The following ZDBF2 variants were observed in gnomAD, a reference collection of about 807,000 sequenced individuals.
ZDBF2 encodes zinc finger DBF-type containing 2, also known as DBF4-type zinc finger-containing protein 2.
Under a neutral mutation model 9.4 loss-of-function variants are expected in ZDBF2, and 6 were observed. That is an observed-to-expected ratio of 0.64 (90% CI 0.35 to 1.27). The LOEUF (loss-of-function observed/expected upper bound fraction) is 1.27, where lower values mean the gene tolerates loss of function less well. ZDBF2 is among the 50% of genes most tolerant of loss of function. ZDBF2 has a pLI of 0.03. For missense variants in ZDBF2, 2,697 were observed against 2,766.8 expected, an observed-to-expected ratio of 0.97 and a Z score of 0.57; for synonymous variants, 905 against 946.3, an observed-to-expected ratio of 0.96 and a Z score of 0.80.
rs1269934786 is a variant in ZDBF2, at chr2:206,308,934, C to T, written c.4406C>T (p.Pro1469Leu). The T allele has an allele frequency of 6.2e-7, 1 of 1,613,136 alleles. No homozygotes were observed. Among genetic ancestry groups the T allele is most frequent in the Non-Finnish European group, 8.5e-7 (1 of 1,179,540 alleles). Residue 1469 changes from proline to leucine, a missense_variant, in exon 5 of 5, where the codon CCT (proline) becomes CTT (leucine). Physicochemically the swap from Pro to Leu is moderately conservative, Grantham distance 98. Transcript: ENST00000374423. The stretch of plus-strand genomic sequence containing the variant: ...CATCTTCAGTCAGAAGTTGACCAAC[C>T]TCAAGTGTCTTACAAAGAGGCAGAC... ...CVHLQSEVDQPQVSYKEADLQ... is the reference protein window; with the variant it reads ...CVHLQSEVDQLQVSYKEADLQ...
Position 206,310,899 on chromosome 2 carries a change from A to G in ZDBF2, c.6371A>G (p.Asp2124Gly). The G allele has an allele frequency of 6.2e-7, 1 of 1,613,708 alleles. No homozygotes were observed. The highest frequency in any genetic ancestry group is 8.5e-7 in the Non-Finnish European group (1 of 1,179,828). ...TTTAATTCACATCAGGGAACCAGTG[A>G]CTCTTCTCTGTTTCTGGAAGAATCA... ...YGFNSHQGTS[D>G]SSLFLEESKV... Residue 2124 changes from aspartate to glycine, a missense_variant, in exon 5 of 5, where the codon GAC becomes GGC. By Grantham distance (94) the Asp-to-Gly change is moderately conservative. This residue lies in a region of ZDBF2 where 1,783 missense variants were observed against 1,776.5 expected (regional missense o/e 1.00). Transcript: ENST00000374423.
In ZDBF2 at chr2:206,310,649, T is replaced by A; in HGVS notation, c.6121T>A (p.Phe2041Ile). Residue 2041 changes from phenylalanine to isoleucine, a missense_variant, in exon 5 of 5, where the codon TTT (phenylalanine) becomes ATT (isoleucine). Around this residue, in one of 3 missense-constraint regions of ZDBF2, gnomAD observed 1,783 missense variants for 1,776.5 expected, o/e 1.00. Transcript: ENST00000374423. ...CCATAGTTGGGATAATGATATTCGGTTTATATGCAAATATAAACGGAATAT... is the reference window on the plus strand; with the variant it reads ...CCATAGTTGGGATAATGATATTCGGATTATATGCAAATATAAACGGAATAT... Reference protein sequence around the residue: ...RHHSWDNDIRFICKYKRNIFD... With the variant: ...RHHSWDNDIRIICKYKRNIFD... The A allele has an allele frequency of 1.2e-6, 2 of 1,609,768 alleles. No homozygotes were observed. Among genetic ancestry groups the A allele is most frequent in the Non-Finnish European group, 1.7e-6 (2 of 1,177,660 alleles).
chr2:206,286,636 T>C (rs978941733), intron 3 of ZDBF2, among the ~76,000 whole-genome samples: 1 of 152,138 alleles, frequency 6.6e-6, no homozygotes, highest in African/African-American at 2.4e-5. Context: ...GCTCAAGATA[T>C]CCTTCTGCCT....
chr2:206,301,434 G>C (rs1487988525), intron 4 of ZDBF2, among the ~76,000 whole-genome samples: 29 of 150,572 alleles, frequency 1.9e-4, no homozygotes, highest in Admixed American at 1.9e-3. Flanking sequence ...TAACCATCTT[G>C]GAGTTTGTTT....
intron 4 of ZDBF2, among the ~76,000 whole-genome samples, chr2:206,301,220 T>C (rs2105939594): frequency 6.6e-6 from 1 of 152,344 alleles, no homozygotes; most frequent in African/African-American, 2.4e-5. Flanking sequence ...GTAAGAAATA[T>C]TTGAGTATGA....
At position 206,310,064 on chromosome 2, in the gene ZDBF2, C is replaced by T. The variant is rs763067950; in HGVS notation, c.5536C>T (p.Leu1846=). The change falls in exon 5 of 5, where the codon CTG becomes TTG. Residue 1846 remains leucine (L), a synonymous_variant. Transcript: ENST00000374423. ...AGAAGATGACATAAAAATTAATGCT[C>T]TGGTGAAGGAGTTTAGGGAAGGTCG... The part of the protein sequence containing the change: ...MREDDIKINA[L]VKEFREGRFH... 1 of 1,613,756 alleles carries T rather than the reference C, an allele frequency of 6.2e-7. No homozygotes were observed. The highest frequency in any genetic ancestry group is 8.5e-7 in the Non-Finnish European group (1 of 1,179,866).
rs1692720628 is a variant in ZDBF2, at chr2:206,305,320, G to T, written c.792G>T (p.Met264Ile). ...AATCAAATAGGAAATCTTTACGCAT[G>T]AATTCAGATAAGTTGGTTTTGTGGA... ...HKESNRKSLR[M>I]NSDKLVLWKD... Residue 264 changes from methionine to isoleucine, a missense_variant, in exon 5 of 5, where the codon ATG becomes ATT. Met to Ile is a conservative substitution (Grantham distance 10). Transcript: ENST00000374423. The T allele has an allele frequency of 6.2e-7, 1 of 1,612,164 alleles. No individual in the cohort carries two copies. Among genetic ancestry groups the T allele is most frequent in the Non-Finnish European group, 8.5e-7 (1 of 1,179,152 alleles).
In ZDBF2 at chr2:206,310,557, G is replaced by T. The variant is rs1442506275; in HGVS notation, c.6029G>T (p.Cys2010Phe). Reference sequence around the variant, plus strand: ...CCTATGCAACCCAAAGCCTTAGTCTGTGTTCTTTCTTCTTTAAATATTAAA... The same window carrying T: ...CCTATGCAACCCAAAGCCTTAGTCTTTGTTCTTTCTTCTTTAAATATTAAA... ...LKPMQPKALV[C>F]VLSSLNIKLK... The change falls in exon 5 of 5, where the codon TGT (cysteine) becomes TTT (phenylalanine). Residue 2010 changes from cysteine (C) to phenylalanine (F), a missense_variant. Physicochemically the swap from Cys to Phe is radical, Grantham distance 205 (BLOSUM62 -2). Coordinates refer to ENST00000374423, the MANE Select transcript of ZDBF2 (RefSeq NM_020923.3). 1.2e-6 allele frequency: 2 copies of T among 1,613,462 alleles called. No homozygotes were observed. Among genetic ancestry groups the T allele is most frequent in the African/African-American group, 1.3e-5 (1 of 75,032 alleles).
At position 206,311,919 on chromosome 2, in the gene ZDBF2, C is replaced by T. The variant is rs1328185903; in HGVS notation, c.*326C>T. ...ATTTTTTATGATTATCTCTCTCATG[C>T]CAGCAAATTTAACATTGTGAGAATG... On this transcript the variant is annotated 3_prime_UTR_variant, in exon 5 of 5. Transcript: ENST00000374423. The T allele has an allele frequency of 1.2e-5, 2 of 167,410 alleles. No individual in the cohort carries two copies. The highest frequency in any genetic ancestry group is 4.8e-5 in the African/African-American group (2 of 42,026). The allele number at this position is 167,410 out of a possible 1,614,324, so 10.4% of individuals were successfully genotyped here.
chr2:206,306,122 G>C lies in ZDBF2; in HGVS notation c.1594G>C (p.Gly532Arg). 1 of 1,613,792 alleles carries C rather than the reference G, an allele frequency of 6.2e-7. No individual in the cohort carries two copies. The highest frequency in any genetic ancestry group is 8.5e-7 in the Non-Finnish European group (1 of 1,179,790). ...VHIGLVDKNY[G>R]SSSSEVSADS... ...CATTGGTTTGGTTGATAAGAACTAT[G>C]GTTCCAGTAGCTCTGAAGTAAGTGC... Residue 532 changes from glycine to arginine, a missense_variant, in exon 5 of 5, where the codon GGT becomes CGT. By Grantham distance (125) the Gly-to-Arg change is moderately radical (BLOSUM62 -2). Transcript: ENST00000374423.
intron 4 of ZDBF2, among the ~76,000 whole-genome samples, chr2:206,302,014 G>T (rs1692530366): frequency 6.6e-6 from 1 of 150,516 alleles, no homozygotes; most frequent in Admixed American, 6.6e-5. Flanking sequence ...CAAGAGTTTA[G>T]CTGTTTTTTG....
rs1480010254 is a variant in ZDBF2, at chr2:206,307,724, G to A, written c.3196G>A (p.Val1066Ile). 1 of 1,613,512 alleles carries A rather than the reference G, an allele frequency of 6.2e-7. No individual in the cohort carries two copies. The highest frequency in any genetic ancestry group is 1.3e-5 in the African/African-American group (1 of 74,984). ...PQLAFLKEKH[V>I]NLKDKNSKSG... is the part of the protein sequence containing the mutation. ...ACTAGCTTTTTTGAAGGAAAAACAT[G>A]TTAATCTGAAGGACAAAAACAGTAA... Residue 1066 changes from valine to isoleucine, a missense_variant, in exon 5 of 5, where the codon GTT becomes ATT. Val to Ile is a conservative substitution (Grantham distance 29). Coordinates refer to ENST00000374423, the MANE Select transcript of ZDBF2 (RefSeq NM_020923.3).
Position 206,310,668 on chromosome 2 carries a change from G to T in ZDBF2, c.6140G>T (p.Arg2047Leu), listed in dbSNP as rs765117268. The change falls in exon 5 of 5, where the codon CGG becomes CTG. Residue 2047 changes from arginine to leucine, a missense_variant. Coordinates refer to ENST00000374423, the MANE Select transcript of ZDBF2 (RefSeq NM_020923.3). ...ATTCGGTTTATATGCAAATATAAAC[G>T]GAATATCTTTGATTATTATGAGCCC... ...NDIRFICKYK[R>L]NIFDYYEPLI... 1 of 1,611,206 alleles carries T rather than the reference G, an allele frequency of 6.2e-7. No individual in the cohort carries two copies. Among genetic ancestry groups the T allele is most frequent in the Admixed American group, 1.7e-5 (1 of 59,556 alleles).
In ZDBF2 at chr2:206,311,518, C is replaced by A; in HGVS notation, c.6990C>A (p.Ser2330Arg). The A allele has an allele frequency of 6.4e-7, 1 of 1,574,116 alleles. No homozygotes were observed. The highest frequency in any genetic ancestry group is 8.6e-7 in the Non-Finnish European group (1 of 1,164,492). ...STPVRAYDLR[S>R]SSCLQQRERM... is the part of the protein sequence containing the mutation. ...CTGTGAGAGCATATGATCTGAGAAG[C>A]TCATCTTGTTTACAACAACGTGAGA... Residue 2330 changes from serine (S) to arginine (R), a missense_variant, in exon 5 of 5, where the codon AGC (serine) becomes AGA (arginine). By Grantham distance (110) the Ser-to-Arg change is moderately radical. Transcript: ENST00000374423.
intron 4 of ZDBF2, among the ~76,000 whole-genome samples, chr2:206,298,054 A>G (rs1692291971): frequency 6.6e-6 from 1 of 152,224 alleles, no homozygotes; most frequent in South Asian, 2.1e-4. Flanking sequence ...GTCAAAACTG[A>G]GTCAAATCCA....
intron 4 of ZDBF2, among the ~76,000 whole-genome samples, chr2:206,301,376 C>A (rs906228906): frequency 2.0e-5 from 3 of 151,730 alleles, no homozygotes; most frequent in Non-Finnish European, 4.4e-5. Context: ...TTTATGGCTT[C>A]TTTTATGCCT....
chr2:206,278,264 G>T (rs761275053), intron 1 of ZDBF2, among the ~76,000 whole-genome samples: 1 of 152,080 alleles, frequency 6.6e-6, no homozygotes, highest in Non-Finnish European at 1.5e-5. Context: ...AATTAAATGT[G>T]TATTTTCTTA....
intron 4 of ZDBF2, among the ~76,000 whole-genome samples, chr2:206,300,116 A>G (rs1481672897): frequency 2.0e-5 from 3 of 152,196 alleles, no homozygotes; most frequent in Admixed American, 1.3e-4. Flanking sequence ...TCTCAAAACA[A>G]ACAAACAAAC....
At chr2:206,278,192 T>G (rs1249285768) in intron 1 of ZDBF2, among the ~76,000 whole-genome samples, 1 of 152,198 alleles carries the variant, frequency 6.6e-6, no homozygotes, top group Non-Finnish European at 1.5e-5. Flanking sequence ...TTTTTATAAT[T>G]GTACTATTAT....
Sources: gnomAD v4.1 joint callset for allele counts (sites outside exome capture counted in the v4.1 genomes callset) on GRCh38, gnomAD v4.1.1 for gene constraint, gnomAD v4.1.1 regional missense constraint, MANE v1.5 for transcripts, NCBI Gene and HGNC (gene_info 2026-07-23, HGNC 2026-07-21) for gene names.